POLQ: variants seen among roughly 807,000 people sequenced by gnomAD.
POLQ encodes DNA polymerase theta, also known as epididymis secretory sperm binding protein.
Under a neutral mutation model 259.2 loss-of-function variants are expected in POLQ, and 233 were observed. That is an observed-to-expected ratio of 0.90 (90% CI 0.81 to 1.00). The LOEUF (loss-of-function observed/expected upper bound fraction) is 1.00. Ranked by LOEUF, POLQ falls within the 50% of genes least tolerant of loss-of-function variation. The pLI, the probability that POLQ is intolerant of heterozygous loss-of-function variation, is 0.00. For missense variants in POLQ, 2,871 were observed against 3,051.6 expected (o/e 0.94, Z 1.39); for synonymous variants, 1,025 against 1,048.8 (o/e 0.98, Z 0.44).
intron 25 of POLQ, among the ~76,000 whole-genome samples, chr3:121,451,585 G>A (rs755128525): frequency 5.1e-4 from 78 of 152,308 alleles, no homozygotes; most frequent in East Asian, 1.2e-3. Flanking sequence ...TATGAGCAGC[G>A]GAGGCTGCAG....
intron 20 of POLQ, among the ~76,000 whole-genome samples, chr3:121,475,253 C>T (rs2047916657): frequency 6.6e-6 from 1 of 152,170 alleles, no homozygotes. Flanking sequence ...TTCCACTTTC[C>T]ACTTCGAGGA....
intron 19 of POLQ, among the ~76,000 whole-genome samples, chr3:121,480,060 G>A (rs1021698253): frequency 6.6e-6 from 1 of 151,506 alleles, no homozygotes; most frequent in Non-Finnish European, 1.5e-5. Context: ...GAGAGACTTA[G>A]CAATAGCTGT....
chr3:121,483,635 G>T, intron 17 of POLQ, 53 bp from the exon 18 acceptor site: 2 of 1,314,738 alleles, frequency 1.5e-6, no homozygotes, highest in Non-Finnish European at 2.0e-6. Flanking sequence ...AAAATTACAT[G>T]CATTCATTTG....
chr3:121,537,321 G>C, intron 4 of POLQ, 113 bp from the exon 5 acceptor site: 1 of 661,098 alleles, frequency 1.5e-6, no homozygotes, highest in South Asian at 1.9e-5. Context: ...TTTTATTTTA[G>C]ATTTGGGGGT....
chr3:121,532,197 T>C (rs941460547), intron 6 of POLQ, among the ~76,000 whole-genome samples: 2 of 152,194 alleles, frequency 1.3e-5, no homozygotes, highest in Non-Finnish European at 2.9e-5. Flanking sequence ...GAGGTTCAGA[T>C]AGGTTTTGTG....
chr3:121,534,544 G>C (rs2048437292), intron 5 of POLQ, among the ~76,000 whole-genome samples: 1 of 152,024 alleles, frequency 6.6e-6, no homozygotes, highest in African/African-American at 2.4e-5. Context: ...GGCTCATCTA[G>C]AACTGGCCTC....
At chr3:121,541,919 G>A (rs1474062150) in intron 2 of POLQ, among the ~76,000 whole-genome samples, 2 of 151,918 alleles carry the variant, frequency 1.3e-5, no homozygotes, top group East Asian at 1.9e-4. Flanking sequence ...GAGGTCAGGA[G>A]TTTGAAACCA....
At chr3:121,436,319 T>G (rs764914088) in intron 27 of POLQ, 44 bp from the exon 28 acceptor site, 26 of 1,600,820 alleles carry the variant, frequency 1.6e-5, no homozygotes, top group Non-Finnish European at 2.2e-5. Flanking sequence ...TATGCCAACA[T>G]GGTTTCATAC....
At chr3:121,535,413 T>G (rs940759953) in intron 5 of POLQ, among the ~76,000 whole-genome samples, 3 of 152,124 alleles carry the variant, frequency 2.0e-5, no homozygotes, top group African/African-American at 2.4e-5. Flanking sequence ...CTTTTATACC[T>G]GGACAGTCCA....
At chr3:121,450,463 G>A (rs1423179540) in intron 25 of POLQ, among the ~76,000 whole-genome samples, 1 of 151,936 alleles carries the variant, frequency 6.6e-6, no homozygotes, top group East Asian at 1.9e-4. Flanking sequence ...TTGGTGTGCT[G>A]CACTCATTAA....
intron 18 of POLQ, 73 bp from the exon 19 acceptor site, chr3:121,481,885 G>C (rs1001805611): frequency 4.5e-6 from 6 of 1,346,176 alleles, no homozygotes; most frequent in South Asian, 1.5e-5. Context: ...AATGAAAAGG[G>C]AAAAAAACAA....
intron 12 of POLQ, among the ~76,000 whole-genome samples, chr3:121,500,274 G>A (rs2048156266): frequency 8.0e-6 from 1 of 125,466 alleles, no homozygotes; most frequent in Non-Finnish European, 1.6e-5. Context: ...GCAAGAATAT[G>A]TCTCAAAAAA....
Position 121,545,933 on chromosome 3 carries a change from G to C in POLQ, c.-56C>G, listed in dbSNP as rs2048531310. 2 of 1,598,258 alleles carry C rather than the reference G, an allele frequency of 1.3e-6. No individual in the cohort carries two copies. Among genetic ancestry groups the C allele is most frequent in the Non-Finnish European group, 1.7e-6 (2 of 1,170,420 alleles). ...CCACAGTCCCAGCGTCCTCCCTCTC[G>C]GGAGAACCCTGGCCTGGCAACAGCT... On this transcript the variant is annotated 5_prime_UTR_variant, in exon 1 of 30. Transcript: ENST00000264233.
In POLQ at chr3:121,488,469, T is replaced by C. The variant is rs772480932; in HGVS notation, c.4462A>G (p.Ser1488Gly). Residue 1488 changes from serine (S) to glycine (G), a missense_variant, in exon 16 of 30, where the codon AGT (serine) becomes GGT (glycine). By Grantham distance (56) the Ser-to-Gly change is moderately conservative (BLOSUM62 0). This residue lies in a region of POLQ where 2,080 missense variants were observed against 2,126.0 expected (regional missense o/e 0.98). Transcript: ENST00000264233. ...VPETSLNMSD[S>G]LLFDSFSDDY... ...TCACTGAAGCTATCAAATAGTAAAC[T>C]ATCACTCATATTCAAACTTGTTTCA... 8.1e-6 allele frequency: 13 copies of C among 1,609,184 alleles called. No homozygotes were observed. The South Asian group carries it at 1.0e-4, about 12-fold the overall frequency.
intron 6 of POLQ, among the ~76,000 whole-genome samples, chr3:121,530,692 C>A (rs2048404979): frequency 6.6e-6 from 1 of 152,160 alleles, no homozygotes; most frequent in East Asian, 1.9e-4. Flanking sequence ...GGTGGCCCTG[C>A]AAGTTCTCCA....
At chr3:121,509,817 T>G (rs184457795) in intron 11 of POLQ, 114 bp from the exon 12 acceptor site, 492 of 1,053,616 alleles carry the variant, frequency 4.7e-4, no homozygotes, top group Non-Finnish European at 6.2e-4. Flanking sequence ...ATTTTACAAA[T>G]AGTACCTTAT....
In POLQ at chr3:121,487,870, T is replaced by G; in HGVS notation, c.5061A>C (p.Thr1687=). 1 of 1,610,448 alleles carries G rather than the reference T, an allele frequency of 6.2e-7. No individual in the cohort carries two copies. The highest frequency in any genetic ancestry group is 8.5e-7 in the Non-Finnish European group (1 of 1,178,800). ...AAAATGAAATTCCCTGCACTTGTTT[T>G]GTCTCCAAGTTTGAAATAACTTCTT... The part of the protein sequence containing the change: ...EEQEVISNLE[T]KQVQGISFSS... Residue 1687 remains threonine (T), a synonymous_variant, in exon 16 of 30, where the codon ACA becomes ACC. Coordinates refer to ENST00000264233, the MANE Select transcript of POLQ (RefSeq NM_199420.4).
At chr3:121,531,952 C>A (rs564952270) in intron 6 of POLQ, among the ~76,000 whole-genome samples, 1 of 152,204 alleles carries the variant, frequency 6.6e-6, no homozygotes, top group East Asian at 1.9e-4. Context: ...TAAAATGACC[C>A]TTAGCTGTTT....
rs2048034085 is a variant in POLQ at position 121,488,554 on chromosome 3, T to A, written c.4377A>T (p.Ile1459=). The A allele has an allele frequency of 6.2e-7, 1 of 1,611,736 alleles. No homozygotes were observed. Among genetic ancestry groups the A allele is most frequent in the African/African-American group, 1.3e-5 (1 of 74,768 alleles). ...GAGTTCTCTTTTGAGGAATCAGAAG[T>A]ATAACTGGTTTCACAGTTTCTTGTG... ...YQTQETVKPV[I]LLIPQKRTPT... Residue 1459 remains isoleucine (I), a synonymous_variant, in exon 16 of 30, where the codon ATA becomes ATT. Coordinates refer to ENST00000264233, the MANE Select transcript of POLQ (RefSeq NM_199420.4).
Sources: allele counts gnomAD v4.1 joint callset (sites outside exome capture counted in the v4.1 genomes callset), GRCh38; gene constraint gnomAD v4.1.1; regional missense constraint gnomAD v4.1.1; transcripts MANE v1.5; gene names NCBI Gene and HGNC (gene_info 2026-07-23, HGNC 2026-07-21).